The following PPP1R26 variants were observed in gnomAD, a reference collection of about 807,000 sequenced individuals.
PPP1R26 encodes the protein protein phosphatase 1 regulatory subunit 26.
In PPP1R26, 22 loss-of-function variants were observed where a neutral mutation model predicts 67.6. The observed-to-expected ratio is 0.33, with a 90% CI of 0.23 to 0.46. PPP1R26 has a LOEUF of 0.46. PPP1R26 is among the 20% of genes least tolerant of loss of function. The pLI is 1.00. For synonymous variants in PPP1R26, 729 were observed against 717.2 expected, an observed-to-expected ratio of 1.02 and a Z score of -0.26; for missense variants, 1,602 against 1,651.4, an observed-to-expected ratio of 0.97 and a Z score of 0.52.
At chr9:135,483,243 C>A (rs1007327807) in intron 2 of PPP1R26, 1 of 152,384 alleles carries the variant, frequency 6.6e-6, no homozygotes, top group Non-Finnish European at 1.5e-5. Context: ...CCACCCGCCT[C>A]GGCCTTCCAA....
At position 135,484,527 on chromosome 9, in the gene PPP1R26, C is replaced by A; in HGVS notation, c.17C>A (p.Ala6Asp). Residue 6 changes from alanine to aspartate, a missense_variant, in exon 4 of 4, where the codon GCT becomes GAT. Coordinates refer to ENST00000356818, the MANE Select transcript of PPP1R26 (RefSeq NM_014811.5). ...TCTGCTAGAATGTTTCTCATGAACG[C>A]TTCTCCAGTGGTTGCTCTCCAGTCC... MFLMN[A>D]SPVVALQSKW... 2 of 1,602,830 alleles carry A rather than the reference C, an allele frequency of 1.2e-6. No individual in the cohort carries two copies. Among genetic ancestry groups the A allele is most frequent in the South Asian group, 2.2e-5 (2 of 90,720 alleles).
In PPP1R26 at chr9:135,485,931, G is replaced by C. The variant is rs765445905; in HGVS notation, c.1421G>C (p.Arg474Pro). ...RSEFVERSSC[R>P]ADTSAELMCA... ...GAGTTTGTGGAACGGTCCTCGTGCC[G>C]GGCGGACACATCTGCTGAGCTGATG... The change falls in exon 4 of 4, where the codon CGG becomes CCG. Residue 474 changes from arginine (R) to proline (P), a missense_variant. Arg to Pro is a moderately radical substitution (Grantham distance 103). This residue lies in a region of PPP1R26 where 680 missense variants were observed against 726.1 expected (regional missense o/e 0.94). Transcript: ENST00000356818. This position sits in a 1 kb window ranked among gnomAD's most constrained non-coding sequence, Gnocchi z 7.2. 2.0e-5 allele frequency: 32 copies of C among 1,613,346 alleles called. No homozygotes were observed. In the South Asian group the frequency reaches 3.5e-4, roughly 18 times the overall value.
intron 3 of PPP1R26, 42 bp from the exon 4 acceptor site, chr9:135,484,407 G>A: frequency 8.9e-7 from 1 of 1,125,140 alleles, no homozygotes; most frequent in Non-Finnish European, 1.3e-6. Context: ...AGCTATCGCT[G>A]TTTGTAGCTG....
upstream of PPP1R26, chr9:135,479,758 C>G (rs1386430709): frequency 1.4e-5 from 2 of 143,362 alleles, no homozygotes; most frequent in Non-Finnish European, 3.1e-5. The surrounding 1 kb of genome is among the most constrained non-coding windows in gnomAD (Gnocchi z 5.9). Flanking sequence ...TTGGGGGGGT[C>G]GCCCCGCCCC....
At chr9:135,481,211 A>G (rs1405391981) in intron 1 of PPP1R26, among the ~76,000 whole-genome samples, 1 of 149,802 alleles carries the variant, frequency 6.7e-6, no homozygotes. Context: ...ACCTATCTCT[A>G]AGGACTGATT....
upstream of PPP1R26, among the ~76,000 whole-genome samples, chr9:135,479,331 G>A (rs1830430548): frequency 6.6e-6 from 1 of 151,864 alleles, no homozygotes; most frequent in Admixed American, 6.6e-5. The surrounding 1 kb of genome is among the most constrained non-coding windows in gnomAD (Gnocchi z 5.9). Context: ...GTGAACTTCG[G>A]GGAGGAACTC....
In PPP1R26 at chr9:135,484,914, A is replaced by G; in HGVS notation, c.404A>G (p.Glu135Gly). ...GATTCCGTGGACAGGGACATTGAGG[A>G]GGCCATCCAGGAGTACCTGAAGGCA... The part of the protein sequence containing the change: ...SDDSVDRDIE[E>G]AIQEYLKAKS... Residue 135 changes from glutamate (E) to glycine (G), a missense_variant, in exon 4 of 4, where the codon GAG (glutamate) becomes GGG (glycine). By Grantham distance (98) the Glu-to-Gly change is moderately conservative. This residue lies in a region of PPP1R26 where 7 missense variants were observed against 28.6 expected (regional missense o/e 0.24). Transcript: ENST00000356818. The G allele has an allele frequency of 6.3e-7, 1 of 1,588,692 alleles. No individual in the cohort carries two copies. Among genetic ancestry groups the G allele is most frequent in the Non-Finnish European group, 8.6e-7 (1 of 1,166,542 alleles).
Position 135,484,960 on chromosome 9 carries a change from C to T in PPP1R26, c.450C>T (p.Pro150=), listed in dbSNP as rs144464628. 67 of 1,576,488 alleles carry T rather than the reference C, an allele frequency of 4.2e-5. No individual in the cohort carries two copies. The highest frequency in any genetic ancestry group is 2.8e-4 in the Admixed American group (16 of 56,184). ...AGGCAAAGAGTGGAGCCGCACAGCC[C>T]GGGGCCGGCGGGGCCCAGCCAGGTG... The part of the protein sequence containing the change: ...YLKAKSGAAQ[P]GAGGAQPGAA... The change falls in exon 4 of 4, where the codon CCC becomes CCT. Residue 150 remains proline, a synonymous_variant. Coordinates refer to ENST00000356818, the MANE Select transcript of PPP1R26 (RefSeq NM_014811.5).
Position 135,487,026 on chromosome 9 carries a change from T to A in PPP1R26, c.2516T>A (p.Leu839Gln), listed in dbSNP as rs766842682. Reference protein sequence around the residue: ...SSVDSNDSIELEIRKFLAEKA... With the variant: ...SSVDSNDSIEQEIRKFLAEKA... ...GTGGACAGCAACGACAGCATCGAAC[T>A]GGAGATTAGGAAGTTTTTGGCGGAA... Residue 839 changes from leucine to glutamine, a missense_variant, in exon 4 of 4, where the codon CTG (leucine) becomes CAG (glutamine). Leu to Gln is a moderately radical substitution (Grantham distance 113). Transcript: ENST00000356818. The A allele has an allele frequency of 4.3e-6, 7 of 1,611,398 alleles. No individual in the cohort carries two copies. Among genetic ancestry groups the A allele is most frequent in the Non-Finnish European group, 5.9e-6 (7 of 1,179,684 alleles).
Position 135,484,752 on chromosome 9 carries a change from C to T in PPP1R26, c.242C>T (p.Ala81Val). 6.2e-7 allele frequency: 1 copy of T among 1,610,364 alleles called. No individual in the cohort carries two copies. Among genetic ancestry groups the T allele is most frequent in the Non-Finnish European group, 8.5e-7 (1 of 1,178,986 alleles). ...RGHRAEGCHD[A>V]RPAAKPTVHK... ...CACAGGGCAGAGGGATGCCACGACG[C>T]CAGGCCGGCTGCCAAGCCCACCGTG... Residue 81 changes from alanine (A) to valine (V), a missense_variant, in exon 4 of 4, where the codon GCC becomes GTC. Physicochemically the swap from Ala to Val is moderately conservative, Grantham distance 64 (BLOSUM62 0). Coordinates refer to ENST00000356818, the MANE Select transcript of PPP1R26 (RefSeq NM_014811.5).
At position 135,483,830 on chromosome 9, in the gene PPP1R26, G is replaced by A. The variant is rs113596519; in HGVS notation, c.-195-120G>A. The A allele has an allele frequency of 3.1e-3, 1,218 of 392,768 alleles. 18 individuals carry two copies. The highest frequency in any genetic ancestry group is 0.023 in the African/African-American group (1,093 of 48,556). 24.3% of individuals were successfully genotyped at this position (392,768 alleles called of 1,614,324 possible). ...TAAGAATAACAATGCAGTCCCATGC[G>A]ACCACCTGGCAAATTTACATTTGAC... On this transcript the variant is annotated intron_variant, in intron 2 of 3. Coordinates refer to ENST00000356818, the MANE Select transcript of PPP1R26 (RefSeq NM_014811.5).
intron 1 of PPP1R26, among the ~76,000 whole-genome samples, chr9:135,481,649 C>T (rs1024208802): frequency 1.3e-5 from 2 of 151,566 alleles, no homozygotes; most frequent in Non-Finnish European, 2.9e-5. Context: ...GATGGAGTCT[C>T]GTTCTGTCTC....
Position 135,487,107 on chromosome 9 carries a change from T to G in PPP1R26, c.2597T>G (p.Leu866Arg). The change falls in exon 4 of 4, where the codon CTT (leucine) becomes CGT (arginine). Residue 866 changes from leucine to arginine, a missense_variant. Physicochemically the swap from Leu to Arg is moderately radical, Grantham distance 102. Transcript: ENST00000356818. The stretch of plus-strand genomic sequence containing the variant: ...GTTCAGGCAGAGGGCCCCACCGCTC[T>G]TGGGACAGGGGGCCCAGCCAGGCCA... ...SEVQAEGPTA[L>R]GTGGPARPEV... The G allele has an allele frequency of 6.2e-7, 1 of 1,611,598 alleles. No homozygotes were observed. The highest frequency in any genetic ancestry group is 8.5e-7 in the Non-Finnish European group (1 of 1,179,962).
At position 135,485,260 on chromosome 9, in the gene PPP1R26, G is replaced by C; in HGVS notation, c.750G>C (p.Glu250Asp). The change falls in exon 4 of 4, where the codon GAG (glutamate) becomes GAC (aspartate). Residue 250 changes from glutamate to aspartate, a missense_variant. Glu to Asp is a conservative substitution (Grantham distance 45). Around this residue, in one of 5 missense-constraint regions of PPP1R26, gnomAD observed 680 missense variants for 726.1 expected, o/e 0.94. Coordinates refer to ENST00000356818, the MANE Select transcript of PPP1R26 (RefSeq NM_014811.5). The surrounding 1 kb of genome is among the most constrained non-coding windows in gnomAD (Gnocchi z 7.2). Reference protein sequence around the residue: ...HETQKCDGSVEKKPDTNENSA... With the variant: ...HETQKCDGSVDKKPDTNENSA... ...CCCAAAAATGTGATGGGTCAGTGGA[G>C]AAGAAACCAGACACAAATGAAAATT... is the stretch of plus-strand genomic sequence containing the variant. The C allele has an allele frequency of 6.2e-7, 1 of 1,612,920 alleles. No individual in the cohort carries two copies. The highest frequency in any genetic ancestry group is 1.3e-5 in the African/African-American group (1 of 75,046).
Position 135,485,883 on chromosome 9 carries a change from C to A in PPP1R26, c.1373C>A (p.Pro458Gln). Residue 458 changes from proline to glutamine, a missense_variant, in exon 4 of 4, where the codon CCA becomes CAA. Transcript: ENST00000356818. The surrounding 1 kb of genome is among the most constrained non-coding windows in gnomAD (Gnocchi z 7.2). Reference sequence around the variant, plus strand: ...CTGAAGGAAACCAAAGCTCCACCTCCAGCGAGCCCTGCTTCCAGGAGTGAG... The same window carrying A: ...CTGAAGGAAACCAAAGCTCCACCTCAAGCGAGCCCTGCTTCCAGGAGTGAG... ...KLLKETKAPP[P>Q]ASPASRSEFV... 6.2e-7 allele frequency: 1 copy of A among 1,613,548 alleles called. No homozygotes were observed. The highest frequency in any genetic ancestry group is 8.5e-7 in the Non-Finnish European group (1 of 1,180,016).
Position 135,484,047 on chromosome 9 carries a change from AC to A in PPP1R26, c.-97del, listed in dbSNP as rs1830613517. 9.9e-6 allele frequency: 4 copies of A among 404,156 alleles called. No individual in the cohort carries two copies. The highest frequency in any genetic ancestry group is 1.3e-5 in the Non-Finnish European group (3 of 229,342). 25.0% of individuals were successfully genotyped at this position (404,156 alleles called of 1,614,324 possible). On this transcript the variant is annotated 5_prime_UTR_variant, in exon 3 of 4. Transcript: ENST00000356818. ...TTAAGCTGCAAAGAAGCATTTGCAGACGTTGTCTCATGGGTACCGCTTGCCA... is the reference window on the plus strand; with the variant it reads ...TTAAGCTGCAAAGAAGCATTTGCAGAGTTGTCTCATGGGTACCGCTTGCCA...
rs765445905 is a variant in PPP1R26, at chr9:135,485,931, G to T, written c.1421G>T (p.Arg474Leu). The stretch of plus-strand genomic sequence containing the variant: ...GAGTTTGTGGAACGGTCCTCGTGCC[G>T]GGCGGACACATCTGCTGAGCTGATG... ...RSEFVERSSCRADTSAELMCA... is the reference protein window; with the variant it reads ...RSEFVERSSCLADTSAELMCA... The change falls in exon 4 of 4, where the codon CGG becomes CTG. Residue 474 changes from arginine to leucine, a missense_variant. Arg to Leu is a moderately radical substitution (Grantham distance 102). Around this residue, in one of 5 missense-constraint regions of PPP1R26, gnomAD observed 680 missense variants for 726.1 expected, o/e 0.94. Transcript: ENST00000356818. This position sits in a 1 kb window ranked among gnomAD's most constrained non-coding sequence, Gnocchi z 7.2. 1 of 1,613,464 alleles carries T rather than the reference G, an allele frequency of 6.2e-7. No homozygotes were observed. The highest frequency in any genetic ancestry group is 8.5e-7 in the Non-Finnish European group (1 of 1,180,018).
At position 135,487,936 on chromosome 9, in the gene PPP1R26, C is replaced by A; in HGVS notation, c.3426C>A (p.Gly1142=). The A allele has an allele frequency of 6.3e-7, 1 of 1,586,182 alleles. No individual in the cohort carries two copies. Among genetic ancestry groups the A allele is most frequent in the Non-Finnish European group, 8.6e-7 (1 of 1,167,380 alleles). ...SPHLLAKKDG[G]PWPTRKAQAG... Reference sequence around the variant, plus strand: ...ACTTGCTGGCAAAGAAGGACGGCGGCCCCTGGCCAACCAGGAAGGCACAGG... The same window carrying A: ...ACTTGCTGGCAAAGAAGGACGGCGGACCCTGGCCAACCAGGAAGGCACAGG... The change falls in exon 4 of 4, where the codon GGC becomes GGA. Residue 1142 remains glycine, a synonymous_variant. Transcript: ENST00000356818.
At position 135,486,942 on chromosome 9, in the gene PPP1R26, C is replaced by T. The variant is rs756495842; in HGVS notation, c.2432C>T (p.Pro811Leu). Residue 811 changes from proline to leucine, a missense_variant, in exon 4 of 4, where the codon CCC becomes CTC. Around this residue, in one of 5 missense-constraint regions of PPP1R26, gnomAD observed 740 missense variants for 696.3 expected, o/e 1.06. Transcript: ENST00000356818. The surrounding 1 kb of genome is among the most constrained non-coding windows in gnomAD (Gnocchi z 6.2). ...TCTGCCTCCGAAGGGAATCCATTCC[C>T]CAGGGAGTCCCAGGGCCCAGCTCCC... ...SASASEGNPF[P>L]RESQGPAPSP... 2.5e-6 allele frequency: 4 copies of T among 1,612,990 alleles called. No individual in the cohort carries two copies. The highest frequency in any genetic ancestry group is 3.4e-6 in the Non-Finnish European group (4 of 1,180,020).
Sources: gnomAD v4.1 joint callset for allele counts (sites outside exome capture counted in the v4.1 genomes callset) on GRCh38, gnomAD v4.1.1 for gene constraint, gnomAD v4.1.1 regional missense constraint, Gnocchi (gnomAD v3.1) non-coding constraint, MANE v1.5 for transcripts, NCBI Gene and HGNC (gene_info 2026-07-23, HGNC 2026-07-21) for gene names.